The following SLC12A6 variants were observed in gnomAD, a reference collection of about 807,000 sequenced individuals.
SLC12A6 encodes K-Cl cotransporter 3.
Under a neutral mutation model 135.3 loss-of-function variants are expected in SLC12A6, and 66 were observed. The observed-to-expected ratio is 0.49, with a 90% confidence interval of 0.40 to 0.60. SLC12A6 has a LOEUF of 0.60. SLC12A6 is among the 20% of genes least tolerant of loss of function. The pLI is 0.00. For synonymous variants in SLC12A6, 513 were observed against 508.8 expected (o/e 1.01, Z -0.11); for missense variants, 1,058 against 1,452.3 (o/e 0.73, Z 4.41).
intron 2 of SLC12A6, among the ~76,000 whole-genome samples, chr15:34,310,437 G>C (rs542466000): frequency 1.6e-5 from 2 of 124,734 alleles, no homozygotes; most frequent in Non-Finnish European, 3.4e-5. Context: ...GTGTGTGTGT[G>C]TCCCCGTGTC....
At position 34,233,616 on chromosome 15, in the gene SLC12A6, ATTTGCC is replaced by A. The variant is rs1285947116; in HGVS notation, c.*259_*264del. 1.1e-4 allele frequency: 42 copies of A among 397,346 alleles called. No individual in the cohort carries two copies. The East Asian group carries it at 1.5e-3, about 14-fold the overall frequency. 24.6% of individuals were successfully genotyped at this position (397,346 alleles called of 1,614,324 possible). A position where few individuals can be genotyped will look rare whatever the true frequency, so the allele number is the denominator to read the frequency against. On this transcript the variant is annotated 3_prime_UTR_variant, in exon 26 of 26. Transcript: ENST00000354181. ...TTATTGGCTCAGCTTGTTAATTCTA[ATTTGCC>A]TTTGACTGCTCAGACGTGGCTTGAA...
chr15:34,335,604 C>A (rs188989489), intron 2 of SLC12A6, among the ~76,000 whole-genome samples: 1 of 152,236 alleles, frequency 6.6e-6, no homozygotes, highest in Admixed American at 6.5e-5. Flanking sequence ...TTATGATCTC[C>A]CCATTTTCTC....
At chr15:34,308,865 G>C (rs910642982) in intron 2 of SLC12A6, among the ~76,000 whole-genome samples, 3 of 152,116 alleles carry the variant, frequency 2.0e-5, no homozygotes, top group Admixed American at 6.5e-5. Context: ...AAACAGAGCA[G>C]CCTAGTTCAG....
At chr15:34,239,626 G>A (rs1019093816) in intron 19 of SLC12A6, among the ~76,000 whole-genome samples, 1 of 151,914 alleles carries the variant, frequency 6.6e-6, no homozygotes, top group African/African-American at 2.4e-5. Flanking sequence ...TTTCTTTTTC[G>A]CCTCTCCCAT....
Position 34,329,931 on chromosome 15 carries a change from G to A in SLC12A6, c.271+6479C>T, listed in dbSNP as rs192797029. ...TCTATCTCTCCCCAACTTTTTTGGGGAGGAGTGGGGAGGAAGGAGCTGGAG... is the reference window on the plus strand; with the variant it reads ...TCTATCTCTCCCCAACTTTTTTGGGAAGGAGTGGGGAGGAAGGAGCTGGAG... On this transcript the variant is annotated intron_variant, in intron 2 of 25. Transcript: ENST00000354181. Among the ~76,000 whole-genome samples the A allele has an allele frequency of 5.5e-3, 840 of 152,196 alleles. 6 individuals carry two copies. The highest frequency in any genetic ancestry group is 7.8e-3 in the Non-Finnish European group (532 of 68,004).
chr15:34,334,120 GATGTA>G (rs1410292759), intron 2 of SLC12A6, among the ~76,000 whole-genome samples: 1 of 151,850 alleles, frequency 6.6e-6, no homozygotes, highest in African/African-American at 2.4e-5. Context: ...CTGTTTGTGT[GATGTA>G]ATGTGAGTAG....
At chr15:34,298,979 A>G (rs1312532234) in intron 2 of SLC12A6, among the ~76,000 whole-genome samples, 1 of 152,246 alleles carries the variant, frequency 6.6e-6, no homozygotes, top group African/African-American at 2.4e-5. Context: ...AACAAAATAA[A>G]TACTTTGAAA....
intron 3 of SLC12A6, 80 bp downstream of exon 3, chr15:34,275,265 A>G (rs1449316281): frequency 2.7e-6 from 2 of 749,092 alleles, no homozygotes; most frequent in African/African-American, 1.7e-5. Context: ...AAATAGAATC[A>G]GAGAAGGGAG....
At chr15:34,312,736 A>G (rs1017682628) in intron 2 of SLC12A6, among the ~76,000 whole-genome samples, 3 of 152,212 alleles carry the variant, frequency 2.0e-5, no homozygotes, top group African/African-American at 7.2e-5. Context: ...TTTGTTTACA[A>G]ATTTAAAGTC....
chr15:34,332,212 C>A (rs16959015), intron 2 of SLC12A6, among the ~76,000 whole-genome samples: 5,515 of 152,270 alleles, frequency 0.036, 222 homozygotes, highest in South Asian at 0.054. Context: ...TAGATCATAA[C>A]TTTCCTTAGA....
Position 34,305,068 on chromosome 15 carries a change from T to C in SLC12A6, c.272-29679A>G, listed in dbSNP as rs375400448. ...AATCCCCAATCTGTAAATACTCTTCTACCATCTCCTAGTTTCCAGTGTTGT... is the reference window on the plus strand; with the variant it reads ...AATCCCCAATCTGTAAATACTCTTCCACCATCTCCTAGTTTCCAGTGTTGT... On this transcript the variant is annotated intron_variant, in intron 2 of 25. Transcript: ENST00000354181. Among the ~76,000 whole-genome samples, 256 of 152,334 alleles carry C rather than the reference T, an allele frequency of 1.7e-3. 2 individuals are homozygous for C. Among genetic ancestry groups the C allele is most frequent in the African/African-American group, 5.8e-3 (241 of 41,576 alleles).
intron 3 of SLC12A6, among the ~76,000 whole-genome samples, chr15:34,263,389 C>A (rs1252173781): frequency 3.3e-5 from 5 of 151,912 alleles, no homozygotes; most frequent in Non-Finnish European, 5.9e-5. Flanking sequence ...CCAGCCTGGG[C>A]AACAGGGTGA....
In SLC12A6 at chr15:34,233,698, G is replaced by A. The variant is rs1891073571; in HGVS notation, c.*183C>T. On this transcript the variant is annotated 3_prime_UTR_variant, in exon 26 of 26. Coordinates refer to ENST00000354181, the MANE Select transcript of SLC12A6 (RefSeq NM_001365088.1). ...AGGGAATATTTGCTTTTTCTGTAAT[G>A]ACTGCAGATCAGATGGGAGCTCTTT... is the stretch of plus-strand genomic sequence containing the variant. 7 of 618,018 alleles carry A rather than the reference G, an allele frequency of 1.1e-5. No homozygotes were observed. Among genetic ancestry groups the A allele is most frequent in the South Asian group, 1.1e-4 (6 of 54,850 alleles). The allele number at this position is 618,018 out of a possible 1,614,324, so 38.3% of individuals were successfully genotyped here.
intron 16 of SLC12A6, 84 bp downstream of exon 16, chr15:34,243,890 G>A (rs547685778): frequency 5.9e-5 from 51 of 862,436 alleles, no homozygotes; most frequent in East Asian, 4.1e-4. Context: ...AAATTTTATC[G>A]AGAACCCAGA....
chr15:34,320,432 A>G (rs1387410998), intron 2 of SLC12A6, among the ~76,000 whole-genome samples: 1 of 152,140 alleles, frequency 6.6e-6, no homozygotes, highest in Non-Finnish European at 1.5e-5. Flanking sequence ...CGTAGGAGCT[A>G]AAAATGTGGA....
upstream of SLC12A6, chr15:34,337,959 A>C (rs2141218885): frequency 6.6e-6 from 1 of 151,894 alleles, no homozygotes; most frequent in Non-Finnish European, 1.5e-5. Flanking sequence ...TTCGAGGTGA[A>C]CCTTGCGAAG....
chr15:34,238,762 G>A (rs1273822921), intron 20 of SLC12A6: 5 of 657,204 alleles, frequency 7.6e-6, no homozygotes, highest in Non-Finnish European at 1.4e-5. Context: ...CACAAGACTT[G>A]ACAGAAATAA....
At chr15:34,260,384 G>A (rs1893034064) in intron 4 of SLC12A6, among the ~76,000 whole-genome samples, 3 of 151,986 alleles carry the variant, frequency 2.0e-5, no homozygotes, top group Admixed American at 6.6e-5. Context: ...TCAGCCTCCC[G>A]AGTAGCTGGG....
intron 16 of SLC12A6, among the ~76,000 whole-genome samples, chr15:34,243,728 T>C (rs1022885355): frequency 6.6e-6 from 1 of 152,252 alleles, no homozygotes. Flanking sequence ...CTGAAAATTA[T>C]AGAAGGCTGG....
Sources: gnomAD v4.1 joint callset for allele counts (sites outside exome capture counted in the v4.1 genomes callset) on GRCh38, gnomAD v4.1.1 for gene constraint, MANE v1.5 for transcripts, NCBI Gene and HGNC (gene_info 2026-07-23, HGNC 2026-07-21) for gene names.